Variants in PTPRT observed in about 807,000 individuals in gnomAD.
The protein encoded by PTPRT is receptor-type tyrosine-protein phosphatase T.
A neutral mutation model predicts 176.8 loss-of-function variants in PTPRT; 56 were observed. The ratio of observed to expected loss-of-function variants is 0.32; its 90% CI spans 0.26 to 0.40. The LOEUF is 0.40. PTPRT is among the 10% of genes least tolerant of loss of function. PTPRT has a pLI of 1.00. For synonymous variants in PTPRT, 783 were observed against 739.0 expected, an observed-to-expected ratio of 1.06 and a Z score of -0.96; for missense variants, 1,540 against 1,908.2, an observed-to-expected ratio of 0.81 and a Z score of 3.60.
In PTPRT at chr20:43,149,650, G is replaced by GT. The variant is rs2014280588; in HGVS notation, c.88+39995dup. Among the ~76,000 whole-genome samples, 6 of 152,216 alleles carry GT rather than the reference G, an allele frequency of 3.9e-5. No homozygotes were observed. In the South Asian group the frequency reaches 1.0e-3, roughly 26 times the overall value. The stretch of plus-strand genomic sequence containing the variant: ...TTACCACCTCACTCATTGTACAGTT[G>GT]TGAAAATTAAATGAGGTAACATGTG... On this transcript the variant is annotated intron_variant, in intron 1 of 30. Transcript: ENST00000373187.
rs13433177 is a variant in PTPRT at position 42,210,741 on chromosome 20, A to G, written c.2343-11353T>C. Among the ~76,000 whole-genome samples, 406 of 152,282 alleles carry G rather than the reference A, an allele frequency of 2.7e-3. 4 individuals carry two copies. Among genetic ancestry groups the G allele is most frequent in the African/African-American group, 8.3e-3 (346 of 41,546 alleles). ...CTGCCCAAGGTAATTTACAGATTCA[A>G]TGCCATCCCCATCAAGTTACCAATG... On this transcript the variant is annotated intron_variant, in intron 15 of 30. Transcript: ENST00000373187.
chr20:42,252,325 T>C (rs2056562019), intron 13 of PTPRT, among the ~76,000 whole-genome samples: 1 of 151,912 alleles, frequency 6.6e-6, no homozygotes, highest in South Asian at 2.1e-4. Flanking sequence ...AAGGTCAGAG[T>C]TGGAGGCAAA....
chr20:42,460,295 G>T lies in PTPRT; in HGVS notation c.1451-11966C>A, dbSNP rs140263928. On this transcript the variant is annotated intron_variant, in intron 8 of 30. Transcript: ENST00000373187. ...AGGGTCAGCAAACTATGGCTCTTGG[G>T]TTGAATCCAACCAGCTGCCTGTTTT... 4.9e-3 allele frequency among the ~76,000 whole-genome samples: 751 copies of T among 152,306 alleles called. 8 individuals are homozygous for T. The highest frequency in any genetic ancestry group is 0.017 in the African/African-American group (719 of 41,550).
At chr20:42,873,429 CAAAG>C (rs1358522433) in intron 2 of PTPRT, among the ~76,000 whole-genome samples, 8 of 152,138 alleles carry the variant, frequency 5.3e-5, no homozygotes, top group Non-Finnish European at 1.2e-4. Flanking sequence ...TTACTATTCT[CAAAG>C]AGAGATATCC....
chr20:42,646,988 G>A (rs2074920514), intron 7 of PTPRT, among the ~76,000 whole-genome samples: 1 of 140,700 alleles, frequency 7.1e-6, no homozygotes, highest in Non-Finnish European at 1.5e-5. Context: ...TTAATCTACT[G>A]GGCTCGAGCA....
At chr20:42,386,259 G>T (rs1006453038) in intron 9 of PTPRT, among the ~76,000 whole-genome samples, 5 of 152,142 alleles carry the variant, frequency 3.3e-5, no homozygotes, top group African/African-American at 1.2e-4. Context: ...AAACCCGTGG[G>T]ACTAATAAAA....
chr20:42,475,272 G>A (rs1346256047), intron 7 of PTPRT, among the ~76,000 whole-genome samples: 5 of 152,154 alleles, frequency 3.3e-5, no homozygotes, highest in African/African-American at 1.2e-4. Context: ...GCCAGCAGGT[G>A]ACAAAGTGCG....
intron 7 of PTPRT, among the ~76,000 whole-genome samples, chr20:42,507,287 T>C (rs990093809): frequency 1.3e-5 from 2 of 152,170 alleles, no homozygotes; most frequent in Non-Finnish European, 2.9e-5. Flanking sequence ...TCTAATTATA[T>C]GTGGACCCAA....
At chr20:42,108,488 G>A (rs1455726868) in intron 23 of PTPRT, among the ~76,000 whole-genome samples, 1 of 152,112 alleles carries the variant, frequency 6.6e-6, no homozygotes, top group Non-Finnish European at 1.5e-5. Flanking sequence ...AGCACAATAT[G>A]TATAAATTGG....
At chr20:42,429,075 T>G (rs2059192786) in intron 9 of PTPRT, among the ~76,000 whole-genome samples, 1 of 152,192 alleles carries the variant, frequency 6.6e-6, no homozygotes, top group African/African-American at 2.4e-5. Flanking sequence ...AGCTTTGTAT[T>G]CACACTTAGT....
intron 8 of PTPRT, among the ~76,000 whole-genome samples, chr20:42,452,818 CTTTT>C (rs893303186): frequency 3.5e-4 from 54 of 152,242 alleles, no homozygotes; most frequent in African/African-American, 1.2e-3. Flanking sequence ...TTATTCCCAT[CTTTT>C]TCTTTTTACA....
rs564651656 is a variant in PTPRT, at chr20:42,877,940, G to C, written c.214+7867C>G. Reference sequence around the variant, plus strand: ...TGCCTGGCTTGTGTTTAGTGCTTCAGAATTTGCAAAGCATTTTCCCAACCA... The same window carrying C: ...TGCCTGGCTTGTGTTTAGTGCTTCACAATTTGCAAAGCATTTTCCCAACCA... On this transcript the variant is annotated intron_variant, in intron 2 of 30. Transcript: ENST00000373187. Among the ~76,000 whole-genome samples, 43 of 152,310 alleles carry C rather than the reference G, an allele frequency of 2.8e-4. No individual in the cohort carries two copies. The South Asian group carries it at 6.4e-3, about 23-fold the overall frequency.
intron 11 of PTPRT, among the ~76,000 whole-genome samples, chr20:42,349,656 AT>A (rs2058247890): frequency 2.0e-5 from 3 of 152,218 alleles, no homozygotes; most frequent in Admixed American, 2.0e-4. Flanking sequence ...GCCCCGCCTC[AT>A]TCCTGGTACA....
chr20:43,046,127 G>A (rs1003201535), intron 1 of PTPRT, among the ~76,000 whole-genome samples: 3 of 152,208 alleles, frequency 2.0e-5, no homozygotes, highest in African/African-American at 7.2e-5. Flanking sequence ...AGATGCAGCA[G>A]AGAGCCATGA....
intron 1 of PTPRT, among the ~76,000 whole-genome samples, chr20:43,113,286 A>T (rs529559433): frequency 2.0e-5 from 3 of 152,342 alleles, no homozygotes; most frequent in South Asian, 4.1e-4. Context: ...AAAAGTAATG[A>T]GCTATTAATT....
In PTPRT at chr20:42,700,402, A is replaced by G. The variant is rs942533389; in HGVS notation, c.860-22243T>C. On this transcript the variant is annotated intron_variant, in intron 6 of 30. Coordinates refer to ENST00000373187, the MANE Select transcript of PTPRT (RefSeq NM_007050.6). ...GCTGTGTGGTATAAAAGGATCTGAC[A>G]TGGCTTAGGAAACAGACGCAGAGCG... Among the ~76,000 whole-genome samples the G allele has an allele frequency of 9.9e-5, 15 of 152,260 alleles. No homozygotes were observed. The East Asian group carries it at 2.3e-3, about 24-fold the overall frequency.
chr20:42,282,025 G>A (rs917077518), intron 13 of PTPRT, among the ~76,000 whole-genome samples: 65 of 152,142 alleles, frequency 4.3e-4, no homozygotes, highest in Admixed American at 1.3e-3. Context: ...ATAATGCAGC[G>A]TTTGTCTTCT....
At chr20:42,168,088 T>C (rs1600623009) in intron 16 of PTPRT, among the ~76,000 whole-genome samples, 1 of 152,108 alleles carries the variant, frequency 6.6e-6, no homozygotes, top group Admixed American at 6.6e-5. Flanking sequence ...AGAGAAAATA[T>C]ATTTACTATT....
At chr20:42,303,593 G>A (rs1157935624) in intron 12 of PTPRT, among the ~76,000 whole-genome samples, 1 of 152,168 alleles carries the variant, frequency 6.6e-6, no homozygotes, top group Non-Finnish European at 1.5e-5. Flanking sequence ...GCAAATCATA[G>A]CCTCTCACAG....
Sources: gnomAD v4.1 joint callset for allele counts (sites outside exome capture counted in the v4.1 genomes callset) on GRCh38, gnomAD v4.1.1 for gene constraint, MANE v1.5 for transcripts, NCBI Gene and HGNC (gene_info 2026-07-23, HGNC 2026-07-21) for gene names.